The following CNTN5 variants were observed in gnomAD, a reference collection of about 807,000 sequenced individuals.
CNTN5 encodes the protein contactin 5, also known as contactin-5.
Under a neutral mutation model 129.1 loss-of-function variants are expected in CNTN5, and 77 were observed. The observed-to-expected ratio is 0.60, with a 90% CI of 0.50 to 0.72. The LOEUF is 0.72. Ranked by LOEUF, CNTN5 falls within the 30% of genes least tolerant of loss-of-function variation. The pLI is 0.00. For missense variants in CNTN5, 1,478 were observed against 1,328.8 expected, an observed-to-expected ratio of 1.11 and a Z score of -1.75; for synonymous variants, 509 against 465.6, an observed-to-expected ratio of 1.09 and a Z score of -1.20.
chr11:99,351,598 G>A (rs11820876), intron 2 of CNTN5, among the ~76,000 whole-genome samples: 3,695 of 152,066 alleles, frequency 0.024, 126 homozygotes, highest in African/African-American at 0.084. Context: ...TGGTATAAAC[G>A]ATTAAAAACA....
intron 1 of CNTN5, among the ~76,000 whole-genome samples, chr11:99,270,853 C>T (rs549593755): frequency 1.2e-4 from 18 of 152,038 alleles, no homozygotes; most frequent in African/African-American, 4.3e-4. Context: ...GAAACAGGGA[C>T]TCTGCATAGA....
rs116479979 is a variant in CNTN5 at position 99,240,290 on chromosome 11, T to G, written c.-209-85056T>G. ...AGAGGAAATAATGAGAAAAAATCTA[T>G]TCAGTGTGTGCAAGGGAGAGTGAAC... On this transcript the variant is annotated intron_variant, in intron 1 of 24. Coordinates refer to ENST00000524871, the MANE Select transcript of CNTN5 (RefSeq NM_014361.4). Among the ~76,000 whole-genome samples the G allele has an allele frequency of 3.2e-3, 491 of 152,208 alleles. 1 individual carries two copies. Among genetic ancestry groups the G allele is most frequent in the African/African-American group, 0.011 (472 of 41,508 alleles).
intron 21 of CNTN5, among the ~76,000 whole-genome samples, chr11:100,319,153 CTT>C (rs1291858718): frequency 2.5e-4 from 34 of 137,384 alleles, no homozygotes; most frequent in East Asian, 1.7e-3. Context: ...TTTTTCTTTT[CTT>C]TTTTTTTTTT....
In CNTN5 at chr11:99,328,624, C is replaced by T. The variant is rs547469051; in HGVS notation, c.-71+3140C>T. ...GGTAGTTCACACCTGTAATCCCAGC[C>T]CTTTGGAAGGCCGAGATGGGTGGAT... On this transcript the variant is annotated intron_variant, in intron 2 of 24. Coordinates refer to ENST00000524871, the MANE Select transcript of CNTN5 (RefSeq NM_014361.4). Among the ~76,000 whole-genome samples the T allele has an allele frequency of 4.0e-5, 6 of 151,750 alleles. No individual in the cohort carries two copies. The East Asian group carries it at 1.2e-3, about 29-fold the overall frequency.
At chr11:100,310,319 G>A (rs1271748663) in intron 21 of CNTN5, among the ~76,000 whole-genome samples, 1 of 151,806 alleles carries the variant, frequency 6.6e-6, no homozygotes, top group African/African-American at 2.4e-5. Context: ...CCCTTATATA[G>A]CCAGTCACCC....
intron 8 of CNTN5, among the ~76,000 whole-genome samples, chr11:99,994,559 C>G (rs1399784149): frequency 1.3e-5 from 2 of 152,120 alleles, no homozygotes; most frequent in African/African-American, 4.8e-5. Context: ...AATGCCAGCA[C>G]TCACAGGGAC....
chr11:99,976,106 T>C (rs1381216114), intron 8 of CNTN5, among the ~76,000 whole-genome samples: 1 of 152,144 alleles, frequency 6.6e-6, no homozygotes, highest in Admixed American at 6.5e-5. Context: ...CCATAAACCA[T>C]CCAGAGAGTC....
intron 2 of CNTN5, among the ~76,000 whole-genome samples, chr11:99,360,673 A>G (rs61891986): frequency 0.058 from 8,869 of 152,124 alleles, 583 homozygotes; most frequent in East Asian, 0.2. Flanking sequence ...GGCAGCTCCG[A>G]TGCTCTCCAA....
At chr11:99,995,158 G>A (rs1169136489) in intron 8 of CNTN5, among the ~76,000 whole-genome samples, 3 of 152,010 alleles carry the variant, frequency 2.0e-5, no homozygotes, top group Admixed American at 6.6e-5. Flanking sequence ...CATTATATTG[G>A]TGATAATTCC....
chr11:100,036,085 G>A (rs1416084914), intron 9 of CNTN5, among the ~76,000 whole-genome samples: 3 of 152,136 alleles, frequency 2.0e-5, no homozygotes, highest in African/African-American at 7.2e-5. Flanking sequence ...TTCTTCTAGG[G>A]TTTTTATGGT....
intron 2 of CNTN5, among the ~76,000 whole-genome samples, chr11:99,347,568 T>C (rs992213117): frequency 2.0e-5 from 3 of 152,196 alleles, no homozygotes; most frequent in Non-Finnish European, 4.4e-5. Flanking sequence ...GGCAGTTCAG[T>C]CCCACTTTTC....
chr11:99,201,316 G>C (rs916398615), intron 1 of CNTN5, among the ~76,000 whole-genome samples: 1 of 67,990 alleles, frequency 1.5e-5, no homozygotes, highest in Admixed American at 1.5e-4. Flanking sequence ...GAGCCACTGC[G>C]CCTGGCCCCT....
intron 13 of CNTN5, among the ~76,000 whole-genome samples, chr11:100,096,810 C>A (rs1945027634): frequency 1.3e-5 from 2 of 152,002 alleles, no homozygotes; most frequent in Admixed American, 1.3e-4. Context: ...ACTCTCCCGA[C>A]CACATGGAGA....
chr11:99,785,070 A>G (rs1025502878), intron 3 of CNTN5, among the ~76,000 whole-genome samples: 5 of 141,774 alleles, frequency 3.5e-5, no homozygotes, highest in African/African-American at 1.0e-4. Context: ...CCACCTGCCT[A>G]TGCCTCCCAA....
At chr11:99,513,708 C>A (rs1305893345) in intron 2 of CNTN5, among the ~76,000 whole-genome samples, 1 of 149,160 alleles carries the variant, frequency 6.7e-6, no homozygotes, top group Non-Finnish European at 1.5e-5. Flanking sequence ...TATTTTAAAC[C>A]CACTATTGAG....
At chr11:99,856,934 G>A (rs981076139) in intron 6 of CNTN5, among the ~76,000 whole-genome samples, 2 of 151,702 alleles carry the variant, frequency 1.3e-5, no homozygotes, top group African/African-American at 4.8e-5. Flanking sequence ...TCTGCCTGCT[G>A]GGCAACTGTT....
intron 2 of CNTN5, among the ~76,000 whole-genome samples, chr11:99,537,833 A>G (rs1442091817): frequency 7.2e-5 from 11 of 152,206 alleles, no homozygotes; most frequent in Admixed American, 5.9e-4. Context: ...AGGGAATAGC[A>G]GAGGTAGCCT....
Position 99,459,693 on chromosome 11 carries a change from C to T in CNTN5, c.-70-96452C>T, listed in dbSNP as rs1232475669. Among the ~76,000 whole-genome samples, 2 of 151,958 alleles carry T rather than the reference C, an allele frequency of 1.3e-5. 1 individual carries two copies. Among genetic ancestry groups the T allele is most frequent in the Non-Finnish European group, 2.9e-5 (2 of 67,910 alleles). On this transcript the variant is annotated intron_variant, in intron 2 of 24. Transcript: ENST00000524871. ...CCTTTGCACAGAGCAACGAACAAGA[C>T]ACCTCTGTAACCTAATGAAGCTTAA...
chr11:99,659,283 G>A (rs1367849658), intron 3 of CNTN5, among the ~76,000 whole-genome samples: 2 of 152,192 alleles, frequency 1.3e-5, no homozygotes, highest in Non-Finnish European at 2.9e-5. Context: ...ATCATAAGAT[G>A]TGGAGAGATC....
Sources: allele counts gnomAD v4.1 joint callset (sites outside exome capture counted in the v4.1 genomes callset), GRCh38; gene constraint gnomAD v4.1.1; transcripts MANE v1.5; gene names NCBI Gene and HGNC (gene_info 2026-07-23, HGNC 2026-07-21).